Variants in CDK5RAP2 observed in about 807,000 individuals in gnomAD.
CDK5RAP2 encodes the protein CDK5 regulatory subunit associated protein 2.
In CDK5RAP2, 147 loss-of-function variants were observed where a neutral mutation model predicts 232.9. That is an observed-to-expected ratio of 0.63 (90% CI 0.55 to 0.72). CDK5RAP2 has a LOEUF of 0.72. Ranked by LOEUF, CDK5RAP2 falls within the 30% of genes least tolerant of loss-of-function variation. CDK5RAP2 has a pLI of 0.00. For synonymous variants in CDK5RAP2, 833 were observed against 833.7 expected (o/e 1.00, Z 0.01); for missense variants, 2,195 against 2,231.5 (o/e 0.98, Z 0.33).
intron 12 of CDK5RAP2, among the ~76,000 whole-genome samples, chr9:120,492,626 T>G (rs767667943): frequency 6.6e-6 from 1 of 152,162 alleles, no homozygotes; most frequent in Non-Finnish European, 1.5e-5. Flanking sequence ...CAGACAGAAA[T>G]TGTTCCAATA....
intron 3 of CDK5RAP2, among the ~76,000 whole-genome samples, chr9:120,554,238 T>G (rs2042144830): frequency 6.6e-6 from 1 of 152,240 alleles, no homozygotes; most frequent in Non-Finnish European, 1.5e-5. Flanking sequence ...CACTGTATAT[T>G]TGTACCATAT....
intron 12 of CDK5RAP2, among the ~76,000 whole-genome samples, chr9:120,496,686 T>G (rs1385363512): frequency 2.9e-5 from 3 of 102,192 alleles, no homozygotes; most frequent in Admixed American, 1.0e-4. Flanking sequence ...GGGAGGGAGG[T>G]GGGGGGGTCA....
chr9:120,524,878 C>CCACA, intron 11 of CDK5RAP2, 108 bp downstream of exon 11: 1 of 781,516 alleles, frequency 1.3e-6, no homozygotes. Flanking sequence ...TGAAGACCAC[C>CCACA]CACAGTTTTC....
rs561027759 is a variant in CDK5RAP2 at position 120,389,110 on chromosome 9, G to A, written c.*126C>T. 18 of 852,734 alleles carry A rather than the reference G, an allele frequency of 2.1e-5. No homozygotes were observed. The African/African-American group carries it at 2.9e-4, about 14-fold the overall frequency. The allele number at this position is 852,734 out of a possible 1,614,324, so 52.8% of individuals were successfully genotyped here. A position where few individuals can be genotyped will look rare whatever the true frequency, so the allele number is the denominator to read the frequency against. ...CAACTTTCAGAGAGAAAACATGAAG[G>A]GAAAAAATAGATTTCCTTTGGCCAG... On this transcript the variant is annotated 3_prime_UTR_variant, in exon 38 of 38. Coordinates refer to ENST00000349780, the MANE Select transcript of CDK5RAP2 (RefSeq NM_018249.6).
Position 120,394,131 on chromosome 9 carries a change from C to T in CDK5RAP2, c.5578+381G>A, listed in dbSNP as rs567752143. 1.5e-4 allele frequency among the ~76,000 whole-genome samples: 23 copies of T among 152,310 alleles called. 1 individual carries two copies. In the South Asian group the frequency reaches 1.7e-3, roughly 11 times the overall value. Reference sequence around the variant, plus strand: ...TCTTCCCTGAGGGACTGCCACTCCCCGCTCCATGTGACGACGTCTGCTTTC... The same window carrying T: ...TCTTCCCTGAGGGACTGCCACTCCCTGCTCCATGTGACGACGTCTGCTTTC... On this transcript the variant is annotated intron_variant, in intron 36 of 37. Transcript: ENST00000349780.
At chr9:120,460,812 T>G (rs1342122388) in intron 18 of CDK5RAP2, 145 bp from the exon 19 acceptor site, 26 of 1,397,232 alleles carry the variant, frequency 1.9e-5, no homozygotes, top group Non-Finnish European at 2.4e-5. Flanking sequence ...GCCAAAGCCA[T>G]GAAATAAAAA....
intron 25 of CDK5RAP2, among the ~76,000 whole-genome samples, chr9:120,433,616 A>G (rs2035404710): frequency 1.3e-5 from 2 of 152,240 alleles, no homozygotes; most frequent in African/African-American, 4.8e-5. Context: ...TAAATATGTA[A>G]GGTTATTTCT....
intron 12 of CDK5RAP2, among the ~76,000 whole-genome samples, chr9:120,510,705 T>C (rs990736479): frequency 1.3e-5 from 2 of 152,224 alleles, no homozygotes; most frequent in African/African-American, 4.8e-5. Flanking sequence ...TAGGACACTT[T>C]AAACATCCCA....
At position 120,448,143 on chromosome 9, in the gene CDK5RAP2, G is replaced by C. The variant is rs1430080294; in HGVS notation, c.2794-17C>G. On this transcript the variant is annotated splice_polypyrimidine_tract_variant and intron_variant, in intron 21 of 37. Coordinates refer to ENST00000349780, the MANE Select transcript of CDK5RAP2 (RefSeq NM_018249.6). ...CTTAGCCTCCTGAAAACACACATAT[G>C]CAACAATGAATACACTTTGAACACA... The C allele has an allele frequency of 4.5e-6, 7 of 1,563,484 alleles. No individual in the cohort carries two copies. Among genetic ancestry groups the C allele is most frequent in the East Asian group, 2.2e-5 (1 of 44,656 alleles).
chr9:120,456,145 G>A (rs1441032362), intron 20 of CDK5RAP2, among the ~76,000 whole-genome samples: 2 of 152,184 alleles, frequency 1.3e-5, no homozygotes, highest in Non-Finnish European at 2.9e-5. Flanking sequence ...AAATAAATGG[G>A]GGAAGTAGAG....
At chr9:120,456,808 A>G (rs2036803785) in intron 20 of CDK5RAP2, among the ~76,000 whole-genome samples, 1 of 152,254 alleles carries the variant, frequency 6.6e-6, no homozygotes, top group Admixed American at 6.5e-5. Flanking sequence ...AAAATACTTT[A>G]CAAATGGGTA....
chr9:120,487,451 A>G lies in CDK5RAP2; in HGVS notation c.1483-14T>C, dbSNP rs745602263. On this transcript the variant is annotated splice_polypyrimidine_tract_variant and intron_variant, in intron 13 of 37. Transcript: ENST00000349780. ...TTCATTGAATTTCTAATGAAATAAA[A>G]CAAATTCTAAGGAAATTGTCATCAA... 13 of 1,586,396 alleles carry G rather than the reference A, an allele frequency of 8.2e-6. No homozygotes were observed. The highest frequency in any genetic ancestry group is 9.4e-6 in the Non-Finnish European group (11 of 1,164,802).
intron 12 of CDK5RAP2, among the ~76,000 whole-genome samples, chr9:120,499,267 G>A (rs1198593577): frequency 6.6e-6 from 1 of 152,188 alleles, no homozygotes; most frequent in Non-Finnish European, 1.5e-5. Context: ...GGGGAGGGCA[G>A]AGATGACACA....
chr9:120,478,414 A>G (rs2131571170), intron 14 of CDK5RAP2, among the ~76,000 whole-genome samples: 1 of 152,356 alleles, frequency 6.6e-6, no homozygotes, highest in South Asian at 2.1e-4. Flanking sequence ...GAAAGGGAAC[A>G]AAGTTTTAGT....
rs2037601612 is a variant in CDK5RAP2, at chr9:120,469,986, A to C, written c.1968+125T>G. ...GGACACAGGAGGGGCACACACAACA[A>C]GGCAGAGGGGACAGGAAGGAAGGAG... is the stretch of plus-strand genomic sequence containing the variant. On this transcript the variant is annotated intron_variant, in intron 17 of 37. Transcript: ENST00000349780. The C allele has an allele frequency of 2.7e-5, 17 of 635,416 alleles. No homozygotes were observed. The South Asian group carries it at 3.0e-4, about 11-fold the overall frequency. The allele number at this position is 635,416 out of a possible 1,614,324, so 39.4% of individuals were successfully genotyped here. A position where few individuals can be genotyped will look rare whatever the true frequency, so the allele number is the denominator to read the frequency against.
chr9:120,402,826 T>C lies in CDK5RAP2; in HGVS notation c.5287A>G (p.Ser1763Gly), dbSNP rs764731630. 6.2e-7 allele frequency: 1 copy of C among 1,614,102 alleles called. No homozygotes were observed. The part of the protein sequence containing the change: ...IQTQEAPSST[S>G]QELGTKGPHP... ...GTTACCTTTGTTCCCAGCTCTTGACTTGTGGAGCTGGGAGCCTCTTGGGTT... is the reference window on the plus strand; with the variant it reads ...GTTACCTTTGTTCCCAGCTCTTGACCTGTGGAGCTGGGAGCCTCTTGGGTT... Residue 1763 changes from serine (S) to glycine (G), a missense_variant, in exon 34 of 38, where the codon AGT becomes GGT. Physicochemically the swap from Ser to Gly is moderately conservative, Grantham distance 56. Coordinates refer to ENST00000349780, the MANE Select transcript of CDK5RAP2 (RefSeq NM_018249.6).
In CDK5RAP2 at chr9:120,443,305, G is replaced by T. The variant is rs10984915; in HGVS notation, c.3148+315C>A. Among the ~76,000 whole-genome samples, 8,216 of 152,190 alleles carry T rather than the reference G, an allele frequency of 0.054. 331 individuals carry two copies. The highest frequency in any genetic ancestry group is 0.092 in the Middle Eastern group (27 of 294). ...GGGATGATTGTCTCCTCCGAGCTGT[G>T]GGGTCCCTAAGAGCAGGCTGTGTCT... On this transcript the variant is annotated intron_variant, in intron 23 of 37. Coordinates refer to ENST00000349780, the MANE Select transcript of CDK5RAP2 (RefSeq NM_018249.6).
intron 14 of CDK5RAP2, among the ~76,000 whole-genome samples, chr9:120,481,865 T>C (rs2038335652): frequency 6.6e-6 from 1 of 152,214 alleles, no homozygotes; most frequent in Non-Finnish European, 1.5e-5. Flanking sequence ...ACATATGTCC[T>C]GGAGCGTTAA....
At position 120,479,356 on chromosome 9, in the gene CDK5RAP2, A is replaced by G. The variant is rs2038186987; in HGVS notation, c.1627-1906T>C. On this transcript the variant is annotated intron_variant, in intron 14 of 37. Coordinates refer to ENST00000349780, the MANE Select transcript of CDK5RAP2 (RefSeq NM_018249.6). ...CAGCCAAGAAACACAAAAGGATGCTAAAACTAGTAGGTAAAAGTCAAGATG... is the reference window on the plus strand; with the variant it reads ...CAGCCAAGAAACACAAAAGGATGCTGAAACTAGTAGGTAAAAGTCAAGATG... 2.0e-5 allele frequency among the ~76,000 whole-genome samples: 3 copies of G among 152,232 alleles called. No individual in the cohort carries two copies. The South Asian group carries it at 6.2e-4, about 31-fold the overall frequency.
Sources: allele counts gnomAD v4.1 joint callset (sites outside exome capture counted in the v4.1 genomes callset), GRCh38; gene constraint gnomAD v4.1.1; transcripts MANE v1.5; gene names NCBI Gene and HGNC (gene_info 2026-07-23, HGNC 2026-07-21).